The following UBE3D variants were observed in gnomAD, a reference collection of about 807,000 sequenced individuals.
The protein encoded by UBE3D is ubiquitin protein ligase E3D.
A neutral mutation model predicts 49.6 loss-of-function variants in UBE3D; 48 were observed. The ratio of observed to expected loss-of-function variants is 0.97; its 90% CI spans 0.77 to 1.23. The LOEUF (loss-of-function observed/expected upper bound fraction) is 1.23, where lower values mean the gene tolerates loss of function less well. UBE3D is among the 50% of genes most tolerant of loss of function. The pLI, the probability that UBE3D is intolerant of heterozygous loss-of-function variation, is 0.00. For synonymous variants in UBE3D, 189 were observed against 174.2 expected (o/e 1.08, Z -0.67); for missense variants, 452 against 468.4 (o/e 0.96, Z 0.32).
the UBE3D span, among the ~76,000 whole-genome samples, chr6:82,887,344 G>A: frequency 6.6e-5 from 9 of 136,186 alleles, no homozygotes; most frequent in African/African-American, 2.5e-4. Flanking sequence ...AAAAGGGAGA[G>A]AGAGAAAAAA....
At chr6:82,999,032 C>G (rs1237299582) in intron 8 of UBE3D, among the ~76,000 whole-genome samples, 1 of 152,170 alleles carries the variant, frequency 6.6e-6, no homozygotes. Context: ...ATCTCCTTTC[C>G]AAATGACCAT....
At chr6:83,059,788 T>C (rs1205008889) in intron 1 of UBE3D, among the ~76,000 whole-genome samples, 1 of 151,044 alleles carries the variant, frequency 6.6e-6, no homozygotes, top group African/African-American at 2.4e-5. Flanking sequence ...AGTGCAAGGG[T>C]GGTGACACAG....
chr6:82,956,146 T>C (rs1055644909), intron 9 of UBE3D, among the ~76,000 whole-genome samples: 12 of 152,118 alleles, frequency 7.9e-5, no homozygotes, highest in Non-Finnish European at 1.5e-4. Flanking sequence ...ATAACAGAGG[T>C]ACAAAGCAAT....
rs1330846686 is a variant in UBE3D at position 82,892,824 on chromosome 6, G to A, written c.*198C>T. 1.6e-5 allele frequency: 10 copies of A among 642,170 alleles called. No homozygotes were observed. In the Admixed American group the frequency reaches 1.9e-4, roughly 12 times the overall value. 39.8% of individuals were successfully genotyped at this position (642,170 alleles called of 1,614,324 possible). A position where few individuals can be genotyped will look rare whatever the true frequency, so the allele number is the denominator to read the frequency against. On this transcript the variant is annotated 3_prime_UTR_variant, in exon 10 of 10. Transcript: ENST00000369747. Reference sequence around the variant, plus strand: ...ACTATGACTTTCTTCACAGTCCTGGGTTTTCAAAGATCTAAAGTTAACTCT... The same window carrying A: ...ACTATGACTTTCTTCACAGTCCTGGATTTTCAAAGATCTAAAGTTAACTCT...
At chr6:82,887,298 C>T in the UBE3D span, among the ~76,000 whole-genome samples, 14 of 131,234 alleles carry the variant, frequency 1.1e-4, no homozygotes, top group South Asian at 1.2e-3. Flanking sequence ...GCACTCCAGA[C>T]GGCCACAGAG....
At chr6:83,038,111 A>ATT (rs1782399352) in intron 5 of UBE3D, 1 of 186,274 alleles carries the variant, frequency 5.4e-6, no homozygotes, top group South Asian at 1.9e-4. Context: ...AAAAGCTCCA[A>ATT]TTTTCTTGAA....
chr6:82,995,157 C>G (rs967626975), intron 8 of UBE3D, among the ~76,000 whole-genome samples: 3 of 152,072 alleles, frequency 2.0e-5, no homozygotes, highest in Non-Finnish European at 4.4e-5. Context: ...AGAGGCAAAC[C>G]AGGAGAATGC....
rs140138414 is a variant in UBE3D at position 82,997,884 on chromosome 6, G to A, written c.1010+21089C>T. Among the ~76,000 whole-genome samples the A allele has an allele frequency of 2.6e-5, 4 of 152,318 alleles. No individual in the cohort carries two copies. In the East Asian group the frequency reaches 7.7e-4, roughly 29 times the overall value. ...GTGAAATTAGAAATGGTAGTCCACG[G>A]ATTTGAACTTGACCCTGTGATTTGA... On this transcript the variant is annotated intron_variant, in intron 8 of 9. Coordinates refer to ENST00000369747, the MANE Select transcript of UBE3D (RefSeq NM_198920.3).
chr6:82,885,211 GT>G, the UBE3D span, among the ~76,000 whole-genome samples: 2 of 150,872 alleles, frequency 1.3e-5, no homozygotes, highest in African/African-American at 2.4e-5. Context: ...GTTTTTGACA[GT>G]TTTTTGGAAT....
At chr6:82,887,389 G>GTTTTTGTTTTTTTTTTTTTTTTTTTT in the UBE3D span, among the ~76,000 whole-genome samples, 4 of 98,368 alleles carry the variant, frequency 4.1e-5, no homozygotes, top group African/African-American at 2.0e-4. Context: ...GACAGTAACA[G>GTTTTTGTTTTTTTTTTTTTTTTTTTT]TTTTTTTTTT....
At chr6:82,936,692 T>A (rs293529) in intron 9 of UBE3D, among the ~76,000 whole-genome samples, 102,282 of 152,012 alleles carry the variant, frequency 0.67, 34,915 homozygotes, top group East Asian at 0.79. Context: ...TGCTAATTGC[T>A]TTAAGCCCCT....
At position 83,025,993 on chromosome 6, in the gene UBE3D, T is replaced by C. The variant is rs112401867; in HGVS notation, c.668-1955A>G. Among the ~76,000 whole-genome samples, 1,465 of 151,794 alleles carry C rather than the reference T, an allele frequency of 9.7e-3. 26 individuals are homozygous for C. The highest frequency in any genetic ancestry group is 0.034 in the African/African-American group (1,394 of 41,320). On this transcript the variant is annotated intron_variant, in intron 5 of 9. Transcript: ENST00000369747. Reference sequence around the variant, plus strand: ...ACTCACTGGTATATGAAAACACTTATCTATAGTGATACTCATAATATCAAT... The same window carrying C: ...ACTCACTGGTATATGAAAACACTTACCTATAGTGATACTCATAATATCAAT...
chr6:82,907,665 AT>A (rs1182433076), intron 9 of UBE3D, among the ~76,000 whole-genome samples: 1 of 152,246 alleles, frequency 6.6e-6, no homozygotes. Context: ...GAATAGTTAA[AT>A]AAAAGATTGG....
chr6:82,978,241 G>A (rs1028429889), intron 8 of UBE3D, among the ~76,000 whole-genome samples: 1 of 152,138 alleles, frequency 6.6e-6, no homozygotes, highest in Non-Finnish European at 1.5e-5. Context: ...AATAAGTCAT[G>A]TCAAAGCCTA....
chr6:82,930,963 A>G (rs1212958871), intron 9 of UBE3D, among the ~76,000 whole-genome samples: 2 of 152,192 alleles, frequency 1.3e-5, no homozygotes, highest in Non-Finnish European at 2.9e-5. Context: ...AGCCCCTCCC[A>G]TAACAGGCCT....
At chr6:82,924,192 G>A (rs1366283235) in intron 9 of UBE3D, among the ~76,000 whole-genome samples, 3 of 151,900 alleles carry the variant, frequency 2.0e-5, no homozygotes. Flanking sequence ...ACTTGAAAAG[G>A]TACATAATAA....
intron 9 of UBE3D, among the ~76,000 whole-genome samples, chr6:82,897,922 A>G (rs1163349420): frequency 6.6e-6 from 1 of 152,212 alleles, no homozygotes; most frequent in Non-Finnish European, 1.5e-5. Context: ...AAATTTTTGC[A>G]ATCTATCCAT....
intron 8 of UBE3D, among the ~76,000 whole-genome samples, chr6:82,990,843 G>A (rs1282768352): frequency 6.6e-6 from 1 of 152,030 alleles, no homozygotes; most frequent in Non-Finnish European, 1.5e-5. Context: ...TTGGAAAAAG[G>A]CATGAACCAC....
At chr6:83,010,338 T>C (rs1369481775) in intron 8 of UBE3D, among the ~76,000 whole-genome samples, 2 of 152,102 alleles carry the variant, frequency 1.3e-5, no homozygotes, top group Non-Finnish European at 2.9e-5. Context: ...ACAATAAATG[T>C]GAATAATTAA....
Sources: gnomAD v4.1 joint callset for allele counts (sites outside exome capture counted in the v4.1 genomes callset) on GRCh38, gnomAD v4.1.1 for gene constraint, MANE v1.5 for transcripts, NCBI Gene and HGNC (gene_info 2026-07-23, HGNC 2026-07-21) for gene names.